DIP2C: variants seen among roughly 807,000 people sequenced by gnomAD.
The protein encoded by DIP2C is DIP2 acetate--CoA ligase C (putative), also known as disco-interacting protein 2 homolog C.
DIP2C carries 33 observed loss-of-function variants against 192.4 expected under a neutral mutation model. The observed-to-expected ratio is 0.17, with a 90% CI of 0.13 to 0.23. DIP2C has a LOEUF of 0.23. DIP2C is among the 10% of genes least tolerant of loss of function. DIP2C has a pLI of 1.00. For missense variants in DIP2C, 1,537 were observed against 2,110.1 expected (o/e 0.73, Z 5.32); for synonymous variants, 979 against 864.1 (o/e 1.13, Z -2.33).
At chr10:384,192 C>T (rs376451204) in intron 15 of DIP2C, 46 bp from the exon 16 acceptor site, 45 of 1,595,788 alleles carry the variant, frequency 2.8e-5, no homozygotes, top group Admixed American at 1.1e-4. Flanking sequence ...ACCGTCAGAT[C>T]GTCCCCTATT....
intron 1 of DIP2C, among the ~76,000 whole-genome samples, chr10:554,983 T>C (rs373434677): frequency 7.2e-4 from 110 of 152,122 alleles, no homozygotes; most frequent in African/African-American, 2.6e-3. Context: ...GTATATGGAG[T>C]CTCACAGTAC....
intron 1 of DIP2C, among the ~76,000 whole-genome samples, chr10:535,704 T>C (rs1396766824): frequency 1.3e-5 from 2 of 152,150 alleles, no homozygotes; most frequent in African/African-American, 4.8e-5. Flanking sequence ...TCATAAAAAC[T>C]GTATGTGGGC....
At chr10:474,844 T>C (rs546874934) in intron 2 of DIP2C, among the ~76,000 whole-genome samples, 19 of 152,354 alleles carry the variant, frequency 1.2e-4, no homozygotes, top group African/African-American at 4.1e-4. Context: ...CCTTATGTAA[T>C]ACCCATTCCT....
intron 17 of DIP2C, among the ~76,000 whole-genome samples, chr10:377,369 T>A (rs1012237057): frequency 9.9e-5 from 15 of 152,180 alleles, no homozygotes; most frequent in Non-Finnish European, 1.6e-4. Flanking sequence ...CAACTTCTCA[T>A]CATCTAATTC....
chr10:658,194 C>T (rs1421456491), intron 1 of DIP2C, among the ~76,000 whole-genome samples: 1 of 151,588 alleles, frequency 6.6e-6, no homozygotes, highest in Non-Finnish European at 1.5e-5. Flanking sequence ...TCACACTGGA[C>T]CTGTCCCTGG....
chr10:376,509 G>T (rs1036830220), intron 17 of DIP2C, among the ~76,000 whole-genome samples: 4 of 151,274 alleles, frequency 2.6e-5, no homozygotes. Flanking sequence ...GGGGTTGGGA[G>T]GGGGGGTCTT....
At chr10:509,016 C>A (rs1431390904) in intron 1 of DIP2C, among the ~76,000 whole-genome samples, 1 of 152,186 alleles carries the variant, frequency 6.6e-6, no homozygotes, top group East Asian at 1.9e-4. Flanking sequence ...CCTGTCCTCG[C>A]TAGAACACTG....
chr10:340,223 T>C (rs1177427469), intron 29 of DIP2C, among the ~76,000 whole-genome samples: 1 of 151,442 alleles, frequency 6.6e-6, no homozygotes, highest in Non-Finnish European at 1.5e-5. Context: ...TTTGAGAAAA[T>C]CATAACCAAT....
intron 1 of DIP2C, among the ~76,000 whole-genome samples, chr10:640,682 CG>C (rs1363388271): frequency 2.0e-5 from 3 of 149,016 alleles, no homozygotes; most frequent in African/African-American, 7.5e-5. Context: ...GATGAGGGTG[CG>C]CGCGGGGAAG....
Position 279,124 on chromosome 10 carries a change from T to C in DIP2C, c.4419-1547A>G, listed in dbSNP as rs969556977. The stretch of plus-strand genomic sequence containing the variant: ...TCCTGGAAATTCTCAACAGTTCTCC[T>C]GGATTTTGCTTTGTGACTGCCGCAT... On this transcript the variant is annotated intron_variant, in intron 36 of 36. Coordinates refer to ENST00000280886, the MANE Select transcript of DIP2C (RefSeq NM_014974.3). Among the ~76,000 whole-genome samples the C allele has an allele frequency of 6.6e-5, 10 of 152,314 alleles. No individual in the cohort carries two copies. The East Asian group carries it at 1.5e-3, about 24-fold the overall frequency.
Position 338,742 on chromosome 10 carries a change from G to C in DIP2C, c.3584+2457C>G, listed in dbSNP as rs1489036724. Among the ~76,000 whole-genome samples the C allele has an allele frequency of 3.9e-5, 6 of 152,176 alleles. No homozygotes were observed. The East Asian group carries it at 5.8e-4, about 15-fold the overall frequency. ...GCTGCCGATTCTTAGAACAAGCTCT[G>C]ACTCCCCCACGCTGCACCCTGCCTG... is the stretch of plus-strand genomic sequence containing the variant. On this transcript the variant is annotated intron_variant, in intron 29 of 36. Coordinates refer to ENST00000280886, the MANE Select transcript of DIP2C (RefSeq NM_014974.3).
chr10:340,363 G>A (rs9787427), intron 29 of DIP2C, among the ~76,000 whole-genome samples: 146,602 of 147,958 alleles, frequency 0.99, 72,637 homozygotes, highest in Middle Eastern at 1. Flanking sequence ...TAAAAAAAAA[G>A]GGGGGAAAGC....
intron 1 of DIP2C, among the ~76,000 whole-genome samples, chr10:684,546 C>T (rs906338943): frequency 1.3e-5 from 2 of 152,196 alleles, no homozygotes; most frequent in Non-Finnish European, 2.9e-5. Context: ...AGGACCTTCT[C>T]TTAGGCTCTG....
intron 14 of DIP2C, 78 bp downstream of exon 14, chr10:387,667 G>C (rs1310048091): frequency 8.0e-7 from 1 of 1,245,316 alleles, no homozygotes; most frequent in Non-Finnish European, 1.2e-6. Flanking sequence ...GTATGGGGAG[G>C]GGGACTCCTG....
rs542926769 is a variant in DIP2C, at chr10:542,834, TCCC to T, written c.86-56307_86-56305del. The stretch of plus-strand genomic sequence containing the variant: ...ATTGGGGAGTGGGGGGTTCTGACCC[TCCC>T]CCCTTCTCTATACCACAGATCATCA... On this transcript the variant is annotated intron_variant, in intron 1 of 36. Transcript: ENST00000280886. Among the ~76,000 whole-genome samples the T allele has an allele frequency of 2.1e-5, 3 of 139,946 alleles. No homozygotes were observed. The South Asian group carries it at 7.2e-4, about 33-fold the overall frequency. 91.8% of individuals were successfully genotyped at this position (139,946 alleles called of 152,430 possible).
chr10:580,216 T>C (rs1015235893), intron 1 of DIP2C, among the ~76,000 whole-genome samples: 6 of 138,992 alleles, frequency 4.3e-5, no homozygotes, highest in Non-Finnish European at 7.9e-5. Context: ...ATATATAATG[T>C]ATATATGTCA....
At position 321,683 on chromosome 10, in the gene DIP2C, C is replaced by G. The variant is rs34151827; in HGVS notation, c.3924+5323G>C. Among the ~76,000 whole-genome samples, 26 of 17,122 alleles carry G rather than the reference C, an allele frequency of 1.5e-3. 1 individual carries two copies. The highest frequency in any genetic ancestry group is 4.8e-3 in the African/African-American group (11 of 2,286). The allele number at this position is 17,122 out of a possible 152,430, so 11.2% of individuals were successfully genotyped here. A position where few individuals can be genotyped will look rare whatever the true frequency, so the allele number is the denominator to read the frequency against. On this transcript the variant is annotated intron_variant, in intron 31 of 36. Transcript: ENST00000280886. The stretch of plus-strand genomic sequence containing the variant: ...AGAACAGTCAGTCGGGGGTGCGGGG[C>G]TCCGGCGAGAGACCGGCGCTGTTAG...
intron 1 of DIP2C, among the ~76,000 whole-genome samples, chr10:514,067 T>C (rs1450407558): frequency 1.3e-5 from 2 of 152,212 alleles, no homozygotes; most frequent in African/African-American, 4.8e-5. Flanking sequence ...TCCCCAGCAG[T>C]GCCCACCTTC....
intron 1 of DIP2C, among the ~76,000 whole-genome samples, chr10:685,596 T>C (rs981461724): frequency 1.3e-5 from 2 of 152,240 alleles, no homozygotes; most frequent in Non-Finnish European, 1.5e-5. Flanking sequence ...CAGTGACCAG[T>C]CAACAGAGAA....
Sources: gnomAD v4.1 joint callset for allele counts (sites outside exome capture counted in the v4.1 genomes callset) on GRCh38, gnomAD v4.1.1 for gene constraint, MANE v1.5 for transcripts, NCBI Gene and HGNC (gene_info 2026-07-23, HGNC 2026-07-21) for gene names.